Variants in PTCHD4 observed in about 807,000 individuals in gnomAD.
PTCHD4 encodes the protein patched domain containing 4.
PTCHD4 carries 33 observed loss-of-function variants against 58.1 expected under a neutral mutation model. The observed-to-expected ratio is 0.57, with a 90% CI of 0.43 to 0.76. The LOEUF is 0.76. Among genes scored for constraint, PTCHD4 ranks in the 30% least tolerant of loss-of-function variants. PTCHD4 has a pLI of 0.00. For missense variants in PTCHD4, 1,058 were observed against 1,027.1 expected (o/e 1.03, Z -0.41); for synonymous variants, 478 against 409.6 (o/e 1.17, Z -2.02).
At position 47,874,007 on chromosome 6, in the gene PTCHD4, G is replaced by A. The variant is rs572861564; in HGVS notation, c.*4296C>T. Among the ~76,000 whole-genome samples the A allele has an allele frequency of 9.9e-5, 15 of 151,794 alleles. No individual in the cohort carries two copies. The highest frequency in any genetic ancestry group is 2.4e-4 in the African/African-American group (10 of 41,464). The stretch of plus-strand genomic sequence containing the variant: ...AGAAAGATCCCTGTAGTAGGATGCC[G>A]AGCAAATCATTGACTTCTCCAATCT... On this transcript the variant is annotated 3_prime_UTR_variant, in exon 5 of 5. Transcript: ENST00000339488.
At chr6:47,912,412 G>A (rs1409925275) in intron 4 of PTCHD4, among the ~76,000 whole-genome samples, 1 of 152,062 alleles carries the variant, frequency 6.6e-6, no homozygotes, top group Non-Finnish European at 1.5e-5. Context: ...GGAGAATTCT[G>A]TAAAACTGGC....
chr6:47,964,442 A>C (rs1187682704), intron 4 of PTCHD4, among the ~76,000 whole-genome samples: 2 of 152,194 alleles, frequency 1.3e-5, no homozygotes, highest in African/African-American at 4.8e-5. Context: ...TAAGTGATAC[A>C]CAGATCCCTT....
At chr6:48,006,233 T>C (rs1034169917) in intron 4 of PTCHD4, among the ~76,000 whole-genome samples, 1 of 152,082 alleles carries the variant, frequency 6.6e-6, no homozygotes, top group Non-Finnish European at 1.5e-5. Context: ...CTGGGAGAGG[T>C]GCAAAGTGTG....
intron 4 of PTCHD4, among the ~76,000 whole-genome samples, chr6:47,957,982 C>T (rs1320332325): frequency 6.6e-6 from 1 of 152,064 alleles, no homozygotes; most frequent in African/African-American, 2.4e-5. Flanking sequence ...AAATCAATTC[C>T]ACATTATTTT....
At chr6:48,076,274 T>A (rs1765063235) in intron 1 of PTCHD4, among the ~76,000 whole-genome samples, 1 of 152,238 alleles carries the variant, frequency 6.6e-6, no homozygotes, top group Non-Finnish European at 1.5e-5. Flanking sequence ...TTCTACCACA[T>A]CTGCTGTTGC....
chr6:48,048,783 A>G (rs1764128865), intron 3 of PTCHD4, among the ~76,000 whole-genome samples: 2 of 152,046 alleles, frequency 1.3e-5, no homozygotes, highest in African/African-American at 2.4e-5. Context: ...TAGGTTTCTA[A>G]TCTAAATAGG....
intron 4 of PTCHD4, among the ~76,000 whole-genome samples, chr6:47,906,136 T>C (rs1306007700): frequency 1.3e-5 from 2 of 152,224 alleles, no homozygotes; most frequent in African/African-American, 4.8e-5. Flanking sequence ...TGGCCAAGAC[T>C]TACTCAATTC....
chr6:47,882,502 C>A (rs181609522), intron 4 of PTCHD4, among the ~76,000 whole-genome samples: 42 of 151,968 alleles, frequency 2.8e-4, no homozygotes, highest in Admixed American at 2.1e-3. Context: ...TTGACTGTCA[C>A]AATAATCTGC....
chr6:48,021,046 G>A (rs1427986399), intron 3 of PTCHD4, among the ~76,000 whole-genome samples: 1 of 152,012 alleles, frequency 6.6e-6, no homozygotes, highest in East Asian at 1.9e-4. Flanking sequence ...CTAAACTTGA[G>A]TTGTTTTTAA....
At chr6:47,891,903 A>G (rs1764392864) in intron 4 of PTCHD4, among the ~76,000 whole-genome samples, 1 of 152,162 alleles carries the variant, frequency 6.6e-6, no homozygotes. Flanking sequence ...GTCATTGCTG[A>G]TTTATAAGTA....
intron 4 of PTCHD4, among the ~76,000 whole-genome samples, chr6:47,967,735 C>T (rs1387568704): frequency 3.3e-5 from 5 of 152,188 alleles, no homozygotes; most frequent in African/African-American, 7.2e-5. Flanking sequence ...ATGGAAACAT[C>T]TTCTCTCCCT....
At chr6:47,896,993 A>G (rs775523868) in intron 4 of PTCHD4, among the ~76,000 whole-genome samples, 6 of 152,134 alleles carry the variant, frequency 3.9e-5, no homozygotes, top group South Asian at 2.1e-4. Context: ...TTCCTATGTC[A>G]GTACCTGGCA....
At chr6:47,899,441 A>G (rs977110395) in intron 4 of PTCHD4, among the ~76,000 whole-genome samples, 2 of 152,212 alleles carry the variant, frequency 1.3e-5, no homozygotes, top group African/African-American at 4.8e-5. Flanking sequence ...GCTCCATAAC[A>G]TAGGTGGAAT....
Position 48,008,878 on chromosome 6 carries a change from G to C in PTCHD4, c.654C>G (p.Ser218Arg), listed in dbSNP as rs1762566090. 1.2e-6 allele frequency: 2 copies of C among 1,613,908 alleles called. No homozygotes were observed. The highest frequency in any genetic ancestry group is 1.3e-5 in the African/African-American group (1 of 74,948). ...ELQLYSLASF[S>R]LWRDFHKTSI... ...TGGTCTTATGAAAGTCCCTCCAGAG[G>C]CTAAAGGATGCTAAAGAGTAGAGCT... is the stretch of plus-strand genomic sequence containing the variant. Residue 218 changes from serine (S) to arginine (R), a missense_variant, in exon 4 of 5, where the codon AGC becomes AGG. Coordinates refer to ENST00000339488, the MANE Select transcript of PTCHD4 (RefSeq NM_001384253.1).
chr6:47,893,602 C>T (rs1764445061), intron 4 of PTCHD4, among the ~76,000 whole-genome samples: 1 of 152,160 alleles, frequency 6.6e-6, no homozygotes, highest in African/African-American at 2.4e-5. Context: ...GCTCGATTTG[C>T]TAACCTGCAA....
At chr6:48,108,246 A>G (rs1765783663) in intron 1 of PTCHD4, among the ~76,000 whole-genome samples, 1 of 152,196 alleles carries the variant, frequency 6.6e-6, no homozygotes, top group South Asian at 2.1e-4. Flanking sequence ...TGTGACACAT[A>G]TACACCATGG....
At chr6:48,053,070 A>T (rs2114174015) in intron 3 of PTCHD4, among the ~76,000 whole-genome samples, 1 of 152,226 alleles carries the variant, frequency 6.6e-6, no homozygotes, top group East Asian at 1.9e-4. Context: ...TACTGTTTGA[A>T]TATGAGTTGA....
chr6:47,969,022 T>C (rs574453629), intron 4 of PTCHD4, among the ~76,000 whole-genome samples: 13 of 152,342 alleles, frequency 8.5e-5, no homozygotes, highest in Admixed American at 8.5e-4. Context: ...GCATAAACTT[T>C]ATAATAATCC....
chr6:48,068,696 C>T lies in PTCHD4; in HGVS notation c.6-55G>A. On this transcript the variant is annotated intron_variant, in intron 2 of 4. Transcript: ENST00000339488. This position sits in a 1 kb window ranked among gnomAD's most constrained non-coding sequence, Gnocchi z 4.2. ...GCCGGGCTACCCCGTTCTCCCCCAT[C>T]CCACCCCCTGGGGCCAGTCCCCCCT... 1 of 1,431,076 alleles carries T rather than the reference C, an allele frequency of 7.0e-7. No homozygotes were observed. The highest frequency in any genetic ancestry group is 9.3e-7 in the Non-Finnish European group (1 of 1,080,122). 88.6% of individuals were successfully genotyped at this position (1,431,076 alleles called of 1,614,324 possible).
Sources: gnomAD v4.1 joint callset for allele counts (sites outside exome capture counted in the v4.1 genomes callset) on GRCh38, gnomAD v4.1.1 for gene constraint, Gnocchi (gnomAD v3.1) non-coding constraint, MANE v1.5 for transcripts, NCBI Gene and HGNC (gene_info 2026-07-23, HGNC 2026-07-21) for gene names.